The following IL19 variants were observed in gnomAD, a reference collection of about 807,000 sequenced individuals.
IL19 encodes the protein interleukin-19.
Under a neutral mutation model 19.5 loss-of-function variants are expected in IL19, and 15 were observed. The ratio of observed to expected loss-of-function variants is 0.77; its 90% CI spans 0.52 to 1.19. IL19 has a LOEUF of 1.19. Among genes scored for constraint, IL19 ranks in the 50% most tolerant of loss-of-function variants. The pLI, the probability that IL19 is intolerant of heterozygous loss-of-function variation, is 0.00. For synonymous variants in IL19, 78 were observed against 78.3 expected, an observed-to-expected ratio of 1.00 and a Z score of 0.02; for missense variants, 199 against 213.1, an observed-to-expected ratio of 0.93 and a Z score of 0.41.
At chr1:206,799,318 CAA>C (rs2102459736) in intron 2 of IL19, among the ~76,000 whole-genome samples, 1 of 152,220 alleles carries the variant, frequency 6.6e-6, no homozygotes, top group African/African-American at 2.4e-5. Context: ...CTTCACACAA[CAA>C]GAGTCTTCAC....
At chr1:206,812,295 T>C (rs1676035709) in intron 2 of IL19, among the ~76,000 whole-genome samples, 1 of 152,186 alleles carries the variant, frequency 6.6e-6, no homozygotes, top group Non-Finnish European at 1.5e-5. Context: ...TTGCTTTTCA[T>C]CCCTGTGCCT....
chr1:206,821,022 T>C (rs1167294565), intron 2 of IL19, among the ~76,000 whole-genome samples: 3 of 152,214 alleles, frequency 2.0e-5, no homozygotes, highest in Non-Finnish European at 4.4e-5. Flanking sequence ...TCTACTGTGT[T>C]CCACAGCATG....
chr1:206,839,793 G>T, intron 4 of IL19, 57 bp from the exon 5 acceptor site: 1 of 1,492,830 alleles, frequency 6.7e-7, no homozygotes, highest in Non-Finnish European at 9.1e-7. Context: ...GGACTGCCCT[G>T]GTCTCCAACA....
chr1:206,812,828 ATTCT>A (rs1676048097), intron 2 of IL19, among the ~76,000 whole-genome samples: 1 of 152,132 alleles, frequency 6.6e-6, no homozygotes, highest in Non-Finnish European at 1.5e-5. Context: ...TAATTATTTT[ATTCT>A]TTCTTCTTAT....
rs200924742 is a variant in IL19 at position 206,805,115 on chromosome 1, G to A, written c.-3+6109G>A. ...ATTTATTTAGCTATTAGTCATGTAT[G>A]TGTTTCTGATAGCTCTCAGTTAGCT... On this transcript the variant is annotated intron_variant, in intron 2 of 6. Coordinates refer to ENST00000659997, the MANE Select transcript of IL19 (RefSeq NM_153758.5). Among the ~76,000 whole-genome samples the A allele has an allele frequency of 4.6e-5, 7 of 152,312 alleles. No individual in the cohort carries two copies. In the East Asian group the frequency reaches 1.3e-3, roughly 29 times the overall value.
chr1:206,800,167 A>G (rs1291270685), intron 2 of IL19, among the ~76,000 whole-genome samples: 1 of 152,244 alleles, frequency 6.6e-6, no homozygotes, highest in African/African-American at 2.4e-5. Flanking sequence ...CCTTCTACAC[A>G]CCAGACTGCT....
chr1:206,778,762 G>A (rs549191054), intron 1 of IL19, among the ~76,000 whole-genome samples: 1 of 152,038 alleles, frequency 6.6e-6, no homozygotes. Flanking sequence ...GTGCACCCTC[G>A]CTCAGTAAAT....
chr1:206,823,252 G>A (rs1310287777), intron 2 of IL19, among the ~76,000 whole-genome samples: 1 of 152,010 alleles, frequency 6.6e-6, no homozygotes, highest in Non-Finnish European at 1.5e-5. Flanking sequence ...GGTGATCCAA[G>A]TTAGAAAAGA....
At chr1:206,829,773 C>T (rs890431394) in intron 2 of IL19, among the ~76,000 whole-genome samples, 2 of 152,186 alleles carry the variant, frequency 1.3e-5, no homozygotes, top group Non-Finnish European at 2.9e-5. Context: ...CCCATCACCA[C>T]TGGGGCTCTT....
In IL19 at chr1:206,841,057, C is replaced by A; in HGVS notation, c.417C>A (p.Val139=). Residue 139 remains valine, a synonymous_variant, in exon 6 of 7, where the codon GTC becomes GTA. Transcript: ENST00000659997. The stretch of plus-strand genomic sequence containing the variant: ...AGGAAGCCACCAATGCCACCAGAGT[C>A]ATCCATGACAACTATGATCAGGTAA... ...CRQEATNATR[V]IHDNYDQLEV... is the part of the protein sequence containing the mutation. The A allele has an allele frequency of 6.2e-7, 1 of 1,613,964 alleles. No individual in the cohort carries two copies. The highest frequency in any genetic ancestry group is 8.5e-7 in the Non-Finnish European group (1 of 1,179,832).
intron 1 of IL19, among the ~76,000 whole-genome samples, chr1:206,794,196 T>G (rs941676120): frequency 6.6e-6 from 1 of 152,124 alleles, no homozygotes; most frequent in African/African-American, 2.4e-5. Context: ...AACTCTAAAT[T>G]CATATGAACC....
chr1:206,787,603 C>A (rs1180873539), intron 1 of IL19, among the ~76,000 whole-genome samples: 1 of 152,184 alleles, frequency 6.6e-6, no homozygotes, highest in Non-Finnish European at 1.5e-5. Flanking sequence ...GTGGAGATGT[C>A]TTCCACCTTC....
At chr1:206,829,310 A>G (rs1174853535) in intron 2 of IL19, among the ~76,000 whole-genome samples, 1 of 152,220 alleles carries the variant, frequency 6.6e-6, no homozygotes, top group Non-Finnish European at 1.5e-5. Context: ...TGCATCTTGT[A>G]TCCAGCGGGA....
At chr1:206,773,504 G>A (rs1674914115) in intron 1 of IL19, among the ~76,000 whole-genome samples, 1 of 152,096 alleles carries the variant, frequency 6.6e-6, no homozygotes, top group Non-Finnish European at 1.5e-5. Context: ...TTCCATGGAG[G>A]CTGGATAGGA....
At position 206,836,814 on chromosome 1, in the gene IL19, T is replaced by C. The variant is rs563030514; in HGVS notation, c.144+8T>C. The C allele has an allele frequency of 5.0e-6, 8 of 1,613,972 alleles. No homozygotes were observed. The highest frequency in any genetic ancestry group is 4.0e-5 in the African/African-American group (3 of 74,920). ...GAAATCAAAAGAGCCATCGTGAGTA[T>C]GGGTTGGTGTAAAGGTGTGGATGAC... On this transcript the variant is annotated splice_region_variant and intron_variant, in intron 3 of 6. Coordinates refer to ENST00000659997, the MANE Select transcript of IL19 (RefSeq NM_153758.5).
chr1:206,817,314 C>T (rs1676182322), intron 2 of IL19, among the ~76,000 whole-genome samples: 1 of 152,210 alleles, frequency 6.6e-6, no homozygotes, highest in African/African-American at 2.4e-5. Flanking sequence ...ACCCCCTGAA[C>T]TTTTCCTAAA....
intron 1 of IL19, among the ~76,000 whole-genome samples, chr1:206,795,397 C>G (rs1675497937): frequency 6.6e-6 from 1 of 152,206 alleles, no homozygotes; most frequent in African/African-American, 2.4e-5. Context: ...GGTGTTTGGT[C>G]AGGGATGAGG....
At chr1:206,811,326 C>A (rs1047105807) in intron 2 of IL19, among the ~76,000 whole-genome samples, 3 of 151,812 alleles carry the variant, frequency 2.0e-5, no homozygotes, top group Non-Finnish European at 4.4e-5. Flanking sequence ...AAACTGTAGT[C>A]CCAGCTACTC....
chr1:206,792,832 C>T (rs943903942), intron 1 of IL19, among the ~76,000 whole-genome samples: 1 of 152,154 alleles, frequency 6.6e-6, no homozygotes, highest in Non-Finnish European at 1.5e-5. Flanking sequence ...CAATCCAAGC[C>T]TACACAGCTG....
Sources: gnomAD v4.1 joint callset for allele counts (sites outside exome capture counted in the v4.1 genomes callset) on GRCh38, gnomAD v4.1.1 for gene constraint, MANE v1.5 for transcripts, NCBI Gene and HGNC (gene_info 2026-07-23, HGNC 2026-07-21) for gene names.